NENF: variants seen among roughly 807,000 people sequenced by gnomAD.
NENF encodes the protein neudesin.
In NENF, 6 loss-of-function variants were observed where a neutral mutation model predicts 14.8. The observed-to-expected ratio is 0.40, with a 90% CI of 0.22 to 0.80. The LOEUF (loss-of-function observed/expected upper bound fraction) is 0.80, where lower values mean the gene tolerates loss of function less well. Ranked by LOEUF, NENF falls within the 30% of genes least tolerant of loss-of-function variation. The probability of loss-of-function intolerance (pLI) is 0.34; values close to 1 mark genes in which losing one functional copy is unlikely to be tolerated. For synonymous variants in NENF, 76 were observed against 95.1 expected (o/e 0.80, Z 1.17); for missense variants, 184 against 212.7 (o/e 0.87, Z 0.84).
At position 212,446,160 on chromosome 1, in the gene NENF, CT is replaced by C. The variant is rs1390579017; in HGVS notation, c.*156del. ...GGAAGAGCAAATGCCTCCTGTTGTC[CT>C]TGGTCAGGGGTTCTGTCTACCTGGG... is the stretch of plus-strand genomic sequence containing the variant. On this transcript the variant is annotated 3_prime_UTR_variant, in exon 4 of 4. Coordinates refer to ENST00000366988, the MANE Select transcript of NENF (RefSeq NM_013349.5). The C allele has an allele frequency of 2.7e-5, 20 of 731,890 alleles. No individual in the cohort carries two copies. The highest frequency in any genetic ancestry group is 3.8e-5 in the Non-Finnish European group (17 of 452,756). 45.3% of individuals were successfully genotyped at this position (731,890 alleles called of 1,614,324 possible). A position where few individuals can be genotyped will look rare whatever the true frequency, so the allele number is the denominator to read the frequency against.
At position 212,435,693 on chromosome 1, in the gene NENF, C is replaced by T. The variant is rs1354078483; in HGVS notation, c.177+2573C>T. The stretch of plus-strand genomic sequence containing the variant: ...CCCAGTTACTGGCATTACAGGTGTG[C>T]ACCACCACACCTGGCTATTTTTTAA... On this transcript the variant is annotated intron_variant, in intron 1 of 3. Coordinates refer to ENST00000366988, the MANE Select transcript of NENF (RefSeq NM_013349.5). 3.3e-5 allele frequency among the ~76,000 whole-genome samples: 5 copies of T among 151,746 alleles called. No homozygotes were observed. The East Asian group carries it at 5.8e-4, about 18-fold the overall frequency.
rs200680061 is a variant in NENF, at chr1:212,445,831, C to T, written c.344C>T (p.Thr115Met). The change falls in exon 4 of 4, where the codon ACG (threonine) becomes ATG (methionine). Residue 115 changes from threonine (T) to methionine (M), a missense_variant and splice_region_variant. By Grantham distance (81) the Thr-to-Met change is moderately conservative (BLOSUM62 -1). Transcript: ENST00000366988. ...CTTTCTTGGGCTTTTCTCCCCAAGA[C>T]GGGTCTCACGGCCAAGGAACTGGAG... ...LDPADLTHDT[T>M]GLTAKELEAL... 1.3e-4 allele frequency: 208 copies of T among 1,614,014 alleles called. No individual in the cohort carries two copies. Among genetic ancestry groups the T allele is most frequent in the Admixed American group, 3.0e-4 (18 of 60,004 alleles).
Position 212,446,166 on chromosome 1 carries a change from C to T in NENF, c.*160C>T. On this transcript the variant is annotated 3_prime_UTR_variant, in exon 4 of 4. Coordinates refer to ENST00000366988, the MANE Select transcript of NENF (RefSeq NM_013349.5). ...GCAAATGCCTCCTGTTGTCCTTGGT[C>T]AGGGGTTCTGTCTACCTGGGGACCC... 1 of 708,282 alleles carries T rather than the reference C, an allele frequency of 1.4e-6. No homozygotes were observed. The highest frequency in any genetic ancestry group is 2.3e-6 in the Non-Finnish European group (1 of 433,898). The allele number at this position is 708,282 out of a possible 1,614,324, so 43.9% of individuals were successfully genotyped here. A position where few individuals can be genotyped will look rare whatever the true frequency, so the allele number is the denominator to read the frequency against.
At position 212,433,179 on chromosome 1, in the gene NENF, G is replaced by A. The variant is rs1226463597; in HGVS notation, c.177+59G>A. ...GGTGGCGTCCGATCTGCGGCGAGCC[G>A]AGCGGGGACCCAGGAGGCGCCGGCG... On this transcript the variant is annotated intron_variant, in intron 1 of 3. Coordinates refer to ENST00000366988, the MANE Select transcript of NENF (RefSeq NM_013349.5). This position sits in a 1 kb window ranked among gnomAD's most constrained non-coding sequence, Gnocchi z 5.5. 2.8e-6 allele frequency: 3 copies of A among 1,081,046 alleles called. No homozygotes were observed. The highest frequency in any genetic ancestry group is 1.7e-5 in the African/African-American group (1 of 59,882). The allele number at this position is 1,081,046 out of a possible 1,614,324, so 67.0% of individuals were successfully genotyped here. A position where few individuals can be genotyped will look rare whatever the true frequency, so the allele number is the denominator to read the frequency against.
chr1:212,435,344 C>CT (rs551021792), intron 1 of NENF, among the ~76,000 whole-genome samples: 6 of 152,096 alleles, frequency 3.9e-5, no homozygotes, highest in East Asian at 1.9e-4. Flanking sequence ...CTGCATATAA[C>CT]TTTTTTTTCT....
intron 2 of NENF, among the ~76,000 whole-genome samples, 190 bp downstream of exon 2, chr1:212,442,815 T>C (rs1662718265): frequency 6.6e-6 from 1 of 152,182 alleles, no homozygotes; most frequent in Non-Finnish European, 1.5e-5. Context: ...CGATCTTGGC[T>C]CACTGCAACC....
intron 1 of NENF, among the ~76,000 whole-genome samples, chr1:212,440,484 G>A (rs3767870): frequency 0.042 from 6,357 of 152,074 alleles, 617 homozygotes; most frequent in East Asian, 0.37. Flanking sequence ...AATCCAGGCC[G>A]TTTCAAATGA....
chr1:212,438,350 A>G (rs763582773), intron 1 of NENF, among the ~76,000 whole-genome samples: 6 of 152,204 alleles, frequency 3.9e-5, no homozygotes, highest in Non-Finnish European at 8.8e-5. Context: ...CAAGTTTTCA[A>G]TAAGGAAGAA....
intron 1 of NENF, among the ~76,000 whole-genome samples, chr1:212,438,261 G>A (rs1662640164): frequency 1.3e-5 from 2 of 152,170 alleles, no homozygotes; most frequent in Admixed American, 6.5e-5. Flanking sequence ...CATGTTCACC[G>A]GTAGCTTTTG....
Position 212,432,974 on chromosome 1 carries a change from C to T in NENF, c.31C>T (p.Arg11Trp), listed in dbSNP as rs1247951534. Residue 11 changes from arginine (R) to tryptophan (W), a missense_variant, in exon 1 of 4, where the codon CGG (arginine) becomes TGG (tryptophan). Arg to Trp is a moderately radical substitution (Grantham distance 101, BLOSUM62 -3). Coordinates refer to ENST00000366988, the MANE Select transcript of NENF (RefSeq NM_013349.5). MVGPAPRRRL[R>W]PLAALALVLA... ...GGGCCCCGCGCCGCGGCGGCGGCTGCGGCCGCTGGCAGCGCTGGCCCTGGT... is the reference window on the plus strand; with the variant it reads ...GGGCCCCGCGCCGCGGCGGCGGCTGTGGCCGCTGGCAGCGCTGGCCCTGGT... The T allele has an allele frequency of 3.6e-5, 38 of 1,057,778 alleles. No homozygotes were observed. The highest frequency in any genetic ancestry group is 4.2e-5 in the Non-Finnish European group (36 of 860,264). 65.5% of individuals were successfully genotyped at this position (1,057,778 alleles called of 1,614,324 possible). A position where few individuals can be genotyped will look rare whatever the true frequency, so the allele number is the denominator to read the frequency against.
chr1:212,444,445 G>A lies in NENF; in HGVS notation c.342+3G>A, dbSNP rs371443125. Reference sequence around the variant, plus strand: ...CTGCAGACCTCACCCATGACACTGTGAGCCAGATTATAAGCCTTTGTAAAA... The same window carrying A: ...CTGCAGACCTCACCCATGACACTGTAAGCCAGATTATAAGCCTTTGTAAAA... On this transcript the variant is annotated splice_donor_region_variant and intron_variant, in intron 3 of 3. Coordinates refer to ENST00000366988, the MANE Select transcript of NENF (RefSeq NM_013349.5). The A allele has an allele frequency of 6.3e-4, 996 of 1,587,022 alleles. No individual in the cohort carries two copies. Among genetic ancestry groups the A allele is most frequent in the Non-Finnish European group, 8.1e-4 (943 of 1,166,160 alleles).
At chr1:212,443,880 C>CA (rs112393214) in intron 2 of NENF, among the ~76,000 whole-genome samples, 1,615 of 143,026 alleles carry the variant, frequency 0.011, 18 homozygotes, top group African/African-American at 0.028. Context: ...CCCATCTCTT[C>CA]AAAAAAAAAA....
At chr1:212,444,517 T>TAG in intron 3 of NENF, 75 bp downstream of exon 3, 6 of 842,442 alleles carry the variant, frequency 7.1e-6, no homozygotes, top group Non-Finnish European at 1.1e-5. Flanking sequence ...CTTTTTCTTT[T>TAG]CGTGTGTGTG....
chr1:212,442,668 A>G (rs1662716169), intron 2 of NENF, 43 bp downstream of exon 2: 2 of 1,461,946 alleles, frequency 1.4e-6, no homozygotes, highest in African/African-American at 1.4e-5. Flanking sequence ...CAGGGAGCAC[A>G]GAAGCCAGAG....
rs1232538701 is a variant in NENF at position 212,433,416 on chromosome 1, T to C, written c.177+296T>C. 6.6e-6 allele frequency among the ~76,000 whole-genome samples: 1 copy of C among 152,094 alleles called. No individual in the cohort carries two copies. Among genetic ancestry groups the C allele is most frequent in the African/African-American group, 2.4e-5 (1 of 41,442 alleles). On this transcript the variant is annotated intron_variant, in intron 1 of 3. Transcript: ENST00000366988. This position sits in a 1 kb window ranked among gnomAD's most constrained non-coding sequence, Gnocchi z 5.5. The stretch of plus-strand genomic sequence containing the variant: ...GCCGCCTTTTCGTTGATGATCTGCG[T>C]ACAGACCTCAGAACTTTTTGGTTTT...
In NENF at chr1:212,433,584, T is replaced by C. The variant is rs181356232; in HGVS notation, c.177+464T>C. ...GGATAAGCCAGTCTTTGCCTGCACT[T>C]CCTTTTCCTGCCCCTGTATCCCAGG... On this transcript the variant is annotated intron_variant, in intron 1 of 3. Transcript: ENST00000366988. The surrounding 1 kb of genome is among the most constrained non-coding windows in gnomAD (Gnocchi z 5.5). Among the ~76,000 whole-genome samples the C allele has an allele frequency of 6.6e-6, 1 of 152,092 alleles. No individual in the cohort carries two copies. The highest frequency in any genetic ancestry group is 2.4e-5 in the African/African-American group (1 of 41,524).
intron 1 of NENF, among the ~76,000 whole-genome samples, chr1:212,436,779 G>C (rs142517691): frequency 6.6e-6 from 1 of 152,186 alleles, no homozygotes; most frequent in East Asian, 1.9e-4. Context: ...CATCACAATG[G>C]TTATAATAAG....
intron 2 of NENF, 114 bp from the exon 3 acceptor site, chr1:212,444,225 C>T (rs919028900): frequency 9.3e-6 from 5 of 536,194 alleles, no homozygotes; most frequent in East Asian, 6.6e-5. Context: ...TCTCCGTGAG[C>T]GTGGAGTCTT....
chr1:212,445,697 T>G, intron 3 of NENF, 133 bp from the exon 4 acceptor site: 1 of 437,012 alleles, frequency 2.3e-6, no homozygotes, highest in Non-Finnish European at 4.0e-6. Flanking sequence ...CATTTGTCCA[T>G]TATTTGGTTT....
Sources: allele counts gnomAD v4.1 joint callset (sites outside exome capture counted in the v4.1 genomes callset), GRCh38; gene constraint gnomAD v4.1.1; non-coding constraint Gnocchi (gnomAD v3.1); transcripts MANE v1.5; gene names NCBI Gene and HGNC (gene_info 2026-07-23, HGNC 2026-07-21).